Variants in GFRA2 observed in about 807,000 individuals in gnomAD.
The protein encoded by GFRA2 is GDNF family receptor alpha 2.
Under a neutral mutation model 48.3 loss-of-function variants are expected in GFRA2, and 17 were observed. The ratio of observed to expected loss-of-function variants is 0.35; its 90% confidence interval spans 0.24 to 0.53. The LOEUF is 0.53. GFRA2 is among the 20% of genes least tolerant of loss of function. The pLI is 0.93. For synonymous variants in GFRA2, 305 were observed against 257.2 expected, an observed-to-expected ratio of 1.19 and a Z score of -1.78; for missense variants, 660 against 637.3, an observed-to-expected ratio of 1.04 and a Z score of -0.38.
At chr8:21,722,905 G>A (rs1016534688) in intron 4 of GFRA2, among the ~76,000 whole-genome samples, 4 of 152,180 alleles carry the variant, frequency 2.6e-5, no homozygotes, top group African/African-American at 9.7e-5. Flanking sequence ...CTACAGTCTT[G>A]CAATGAATCA....
chr8:21,756,485 G>C (rs147489917), intron 3 of GFRA2, among the ~76,000 whole-genome samples: 1 of 152,168 alleles, frequency 6.6e-6, no homozygotes, highest in African/African-American at 2.4e-5. Context: ...TTTTCATTAT[G>C]AGGGAGATGG....
chr8:21,769,793 G>A (rs1053037829), intron 3 of GFRA2, among the ~76,000 whole-genome samples: 8 of 152,144 alleles, frequency 5.3e-5, no homozygotes, highest in Non-Finnish European at 1.0e-4. Flanking sequence ...ACCAGGGGCC[G>A]GTGGTGGTTA....
At chr8:21,741,022 C>T (rs1444359813) in intron 4 of GFRA2, among the ~76,000 whole-genome samples, 1 of 152,236 alleles carries the variant, frequency 6.6e-6, no homozygotes, top group Non-Finnish European at 1.5e-5. Flanking sequence ...AAATAACCTC[C>T]TCCCTGGCCT....
intron 1 of GFRA2, 116 bp downstream of exon 1, chr8:21,788,004 C>T (rs1473888563): frequency 3.2e-5 from 19 of 588,088 alleles, no homozygotes; most frequent in African/African-American, 1.0e-4. Flanking sequence ...GCCCGGCTAG[C>T]TCCGCGGCGC....
intron 1 of GFRA2, among the ~76,000 whole-genome samples, chr8:21,786,088 T>C (rs1220774670): frequency 1.3e-5 from 2 of 152,240 alleles, no homozygotes; most frequent in African/African-American, 4.8e-5. Context: ...TGAAGGGCTG[T>C]GGAGCAAGGG....
At chr8:21,704,625 A>C (rs564485094) in intron 6 of GFRA2, among the ~76,000 whole-genome samples, 1 of 152,176 alleles carries the variant, frequency 6.6e-6, no homozygotes, top group Admixed American at 6.5e-5. Flanking sequence ...GTGAAAAGGA[A>C]GTCGATTCCA....
At chr8:21,729,956 T>C (rs894927670) in intron 4 of GFRA2, among the ~76,000 whole-genome samples, 4 of 151,876 alleles carry the variant, frequency 2.6e-5, no homozygotes, top group African/African-American at 9.7e-5. Context: ...AGCCTGGAAT[T>C]AGAGAGGCAG....
At chr8:21,791,674 C>T (rs377139388), upstream of GFRA2, among the ~76,000 whole-genome samples, 9 of 152,246 alleles carry the variant, frequency 5.9e-5, no homozygotes, top group Admixed American at 4.6e-4. Flanking sequence ...GATAAACCAA[C>T]GTTGTAGAAA....
chr8:21,774,943 G>C, intron 3 of GFRA2, 29 bp downstream of exon 3: 2 of 1,291,438 alleles, frequency 1.5e-6, no homozygotes, highest in Non-Finnish European at 2.3e-6. Context: ...AGAGGAGAAC[G>C]GGCCAAGTCC....
At position 21,782,730 on chromosome 8, in the gene GFRA2, G is replaced by A. The variant is rs1807072223; in HGVS notation, c.210C>T (p.Asn70=). 6.3e-6 allele frequency: 10 copies of A among 1,597,688 alleles called. No homozygotes were observed. The highest frequency in any genetic ancestry group is 1.3e-5 in the African/African-American group (1 of 74,610). The part of the protein sequence containing the change: ...LRQCLAGRDR[N]TMLANKECQA... ...GGCACTCCTTGTTGGCCAGCATGGT[G>A]TTGCGGTCGCGGCCTGCCAGGCACT... Residue 70 remains asparagine (N), a synonymous_variant, in exon 2 of 9, where the codon AAC becomes AAT. Coordinates refer to ENST00000524240, the MANE Select transcript of GFRA2 (RefSeq NM_001495.5).
At chr8:21,712,630 T>C (rs571549558) in intron 4 of GFRA2, among the ~76,000 whole-genome samples, 25,538 of 150,666 alleles carry the variant, frequency 0.17, 3,786 homozygotes, top group African/African-American at 0.41. Context: ...GCTGCAATCT[T>C]GGCACTTTGG....
chr8:21,799,220 G>GT (rs1807728339), intron 2 of GFRA2, among the ~76,000 whole-genome samples: 9 of 149,444 alleles, frequency 6.0e-5, no homozygotes, highest in Non-Finnish European at 7.4e-5. Context: ...CTGACCAGAG[G>GT]ATTTTTTTTT....
chr8:21,777,095 TAAG>T (rs1806743842), intron 2 of GFRA2, among the ~76,000 whole-genome samples: 1 of 152,172 alleles, frequency 6.6e-6, no homozygotes, highest in African/African-American at 2.4e-5. Context: ...GTTTGACTGA[TAAG>T]GAGGAACAAG....
At chr8:21,747,803 C>T (rs1415584676) in intron 4 of GFRA2, among the ~76,000 whole-genome samples, 2 of 149,582 alleles carry the variant, frequency 1.3e-5, no homozygotes, top group African/African-American at 4.9e-5. Context: ...CACACACACG[C>T]ATGCACACAC....
At chr8:21,738,850 T>A (rs900920121) in intron 4 of GFRA2, among the ~76,000 whole-genome samples, 2 of 152,148 alleles carry the variant, frequency 1.3e-5, no homozygotes, top group African/African-American at 4.8e-5. Context: ...CACTCCAGCA[T>A]CCCAGGTGCA....
At chr8:21,696,401 G>T (rs759998235) in intron 7 of GFRA2, among the ~76,000 whole-genome samples, 1 of 151,588 alleles carries the variant, frequency 6.6e-6, no homozygotes, top group Non-Finnish European at 1.5e-5. Context: ...TTGGAGGTAC[G>T]CATAAAATTG....
intron 3 of GFRA2, among the ~76,000 whole-genome samples, chr8:21,768,561 G>C (rs2117680077): frequency 6.6e-6 from 1 of 152,262 alleles, no homozygotes; most frequent in Non-Finnish European, 1.5e-5. Flanking sequence ...ACAAAGGCTG[G>C]GTCTCCTGCC....
upstream of GFRA2, chr8:21,790,001 G>T: frequency 1.1e-6 from 1 of 878,096 alleles, no homozygotes; most frequent in Admixed American, 6.2e-5. Flanking sequence ...AGGCTCCGGG[G>T]TTGGGGGGTT....
At chr8:21,747,331 T>G (rs1585289755) in intron 4 of GFRA2, among the ~76,000 whole-genome samples, 2 of 152,138 alleles carry the variant, frequency 1.3e-5, no homozygotes, top group African/African-American at 2.4e-5. Context: ...GAGCTCAAGT[T>G]CAGTCACTGT....
Sources: gnomAD v4.1 joint callset for allele counts (sites outside exome capture counted in the v4.1 genomes callset) on GRCh38, gnomAD v4.1.1 for gene constraint, MANE v1.5 for transcripts, NCBI Gene and HGNC (gene_info 2026-07-23, HGNC 2026-07-21) for gene names.